RASSF3: variants seen among roughly 807,000 people sequenced by gnomAD.
The protein encoded by RASSF3 is ras association domain-containing protein 3.
RASSF3 carries 19 observed loss-of-function variants against 19.9 expected under a neutral mutation model. That is an observed-to-expected ratio of 0.96 (90% CI 0.67 to 1.40). The LOEUF (loss-of-function observed/expected upper bound fraction) is 1.40, where lower values mean the gene tolerates loss of function less well. Ranked by LOEUF, RASSF3 falls within the 40% of genes most tolerant of loss-of-function variation. The pLI is 0.00. For missense variants in RASSF3, 306 were observed against 289.8 expected (o/e 1.06, Z -0.41); for synonymous variants, 110 against 104.2 (o/e 1.06, Z -0.34).
chr12:64,568,634 A>G (rs111935803), intron 2 of RASSF3, among the ~76,000 whole-genome samples: 4 of 151,878 alleles, frequency 2.6e-5, no homozygotes, highest in African/African-American at 9.7e-5. Flanking sequence ...GTTCGGTTCT[A>G]CTGAAAATTT....
At chr12:64,509,969 C>T (rs994897692) in intron 1 of RASSF3, among the ~76,000 whole-genome samples, 4 of 151,854 alleles carry the variant, frequency 2.6e-5, no homozygotes, top group African/African-American at 7.3e-5. Context: ...CACCTGTAAT[C>T]GCAGCTACTC....
upstream of RASSF3, among the ~76,000 whole-genome samples, chr12:64,608,933 A>C (rs1247218304): frequency 6.6e-6 from 1 of 152,222 alleles, no homozygotes; most frequent in African/African-American, 2.4e-5. Context: ...GTGGCCGAGA[A>C]GAAGACTTTA....
At position 64,688,227 on chromosome 12, in the gene RASSF3, G is replaced by T. The variant is rs1254293226; in HGVS notation, c.231G>T (p.Gly77=). 2 of 1,613,358 alleles carry T rather than the reference G, an allele frequency of 1.2e-6. No homozygotes were observed. Among genetic ancestry groups the T allele is most frequent in the Admixed American group, 1.7e-5 (1 of 60,008 alleles). ...DKLKMTLNSN[G]IYTGFIKVQM... is the part of the protein sequence containing the mutation. ...TCTCCCTGCTTCAGAATTCAAATGG[G>T]ATTTACACTGGCTTCATTAAAGTAC... The change falls in exon 3 of 5, where the codon GGG becomes GGT. Residue 77 remains glycine (G), a synonymous_variant. Transcript: ENST00000542104.
At chr12:64,624,720 C>T (rs1219631877) in intron 1 of RASSF3, among the ~76,000 whole-genome samples, 2 of 152,212 alleles carry the variant, frequency 1.3e-5, no homozygotes, top group Non-Finnish European at 2.9e-5. Context: ...AGTGCAGTGG[C>T]GCGATCTAGG....
chr12:64,511,421 G>A (rs143914593), intron 1 of RASSF3, among the ~76,000 whole-genome samples: 4,673 of 152,248 alleles, frequency 0.031, 116 homozygotes, highest in Non-Finnish European at 0.05. Flanking sequence ...GGTGGAGGCT[G>A]CAGTGAGCCG....
At chr12:64,579,229 C>T (rs1869646572) in intron 2 of RASSF3, among the ~76,000 whole-genome samples, 1 of 151,422 alleles carries the variant, frequency 6.6e-6, no homozygotes, top group South Asian at 2.1e-4. Flanking sequence ...AAAAGAGTTT[C>T]TAATAGAGTG....
upstream of RASSF3, among the ~76,000 whole-genome samples, chr12:64,608,386 CCT>C (rs1398908795): frequency 3.9e-5 from 6 of 152,122 alleles, no homozygotes; most frequent in African/African-American, 1.4e-4. Context: ...AATGGCGCCA[CCT>C]CGGGTCACTG....
At chr12:64,599,030 TTCCCCTCTCTATC>T (rs1387307847) in intron 2 of RASSF3, 1 of 152,042 alleles carries the variant, frequency 6.6e-6, no homozygotes, top group Non-Finnish European at 1.5e-5. Flanking sequence ...TTTATTTCTG[TTCCCCTCTCTATC>T]TCTTGACGCG....
chr12:64,676,317 G>A (rs1011522835), intron 1 of RASSF3, among the ~76,000 whole-genome samples: 24 of 151,246 alleles, frequency 1.6e-4, no homozygotes, highest in African/African-American at 5.1e-4. Flanking sequence ...ACAGGCATGT[G>A]CCACCACACT....
chr12:64,667,893 T>G (rs1190709923), intron 1 of RASSF3, among the ~76,000 whole-genome samples: 2 of 152,202 alleles, frequency 1.3e-5, no homozygotes, highest in Admixed American at 1.3e-4. Flanking sequence ...TCACTGAGCC[T>G]GTTTTCCTTC....
At chr12:64,647,170 C>A (rs1284251902) in intron 1 of RASSF3, among the ~76,000 whole-genome samples, 1 of 152,170 alleles carries the variant, frequency 6.6e-6, no homozygotes, top group Non-Finnish European at 1.5e-5. Flanking sequence ...ATCCCTCCAC[C>A]TCCTGGCACC....
intron 1 of RASSF3, among the ~76,000 whole-genome samples, chr12:64,659,913 A>G (rs1872283475): frequency 6.6e-6 from 1 of 150,888 alleles, no homozygotes. Context: ...GCGCCACTAC[A>G]CTCCAGCCTG....
chr12:64,695,234 G>A lies in RASSF3; in HGVS notation c.*322G>A. On this transcript the variant is annotated 3_prime_UTR_variant, in exon 5 of 5. Transcript: ENST00000542104. Reference sequence around the variant, plus strand: ...TTTTTTTTGGTTATTTTAATTATGTGATGATGCTGTTAAGCTTACAGATAT... The same window carrying A: ...TTTTTTTTGGTTATTTTAATTATGTAATGATGCTGTTAAGCTTACAGATAT... 1 of 229,926 alleles carries A rather than the reference G, an allele frequency of 4.3e-6. No individual in the cohort carries two copies. The highest frequency in any genetic ancestry group is 8.5e-6 in the Non-Finnish European group (1 of 117,788). 14.2% of individuals were successfully genotyped at this position (229,926 alleles called of 1,614,324 possible). A position where few individuals can be genotyped will look rare whatever the true frequency, so the allele number is the denominator to read the frequency against.
At chr12:64,604,121 C>T (rs2136147689) in intron 2 of RASSF3, among the ~76,000 whole-genome samples, 1 of 151,210 alleles carries the variant, frequency 6.6e-6, no homozygotes, top group South Asian at 2.1e-4. Flanking sequence ...GCTCGGATTA[C>T]AGGTTTTCTT....
At chr12:64,514,263 G>A (rs1244944222) in intron 1 of RASSF3, among the ~76,000 whole-genome samples, 25 of 139,344 alleles carry the variant, frequency 1.8e-4, no homozygotes, top group Non-Finnish European at 2.6e-4. Context: ...GCATGATCTC[G>A]GCTCACTCCA....
At chr12:64,676,525 G>A (rs937703632) in intron 1 of RASSF3, among the ~76,000 whole-genome samples, 1 of 141,138 alleles carries the variant, frequency 7.1e-6, no homozygotes, top group African/African-American at 2.7e-5. Context: ...AGGCTTGAGT[G>A]CAGTGGCACA....
chr12:64,686,034 C>T (rs1873337927), intron 2 of RASSF3, among the ~76,000 whole-genome samples: 1 of 152,142 alleles, frequency 6.6e-6, no homozygotes, highest in Non-Finnish European at 1.5e-5. Flanking sequence ...CAGATAGAAA[C>T]CCTTGTGGTA....
chr12:64,673,964 A>C (rs1370254553), intron 1 of RASSF3, among the ~76,000 whole-genome samples: 1 of 151,920 alleles, frequency 6.6e-6, no homozygotes, highest in Non-Finnish European at 1.5e-5. Context: ...TAAAAGTACA[A>C]CCATATAGGG....
At chr12:64,630,751 G>A (rs773274904) in intron 1 of RASSF3, among the ~76,000 whole-genome samples, 10 of 152,150 alleles carry the variant, frequency 6.6e-5, no homozygotes, top group Non-Finnish European at 8.8e-5. Context: ...CTGAATGTGG[G>A]CAGAGAGGTG....
Sources: allele counts gnomAD v4.1 joint callset (sites outside exome capture counted in the v4.1 genomes callset), GRCh38; gene constraint gnomAD v4.1.1; transcripts MANE v1.5; gene names NCBI Gene and HGNC (gene_info 2026-07-23, HGNC 2026-07-21).